FMO2: variants seen among roughly 807,000 people sequenced by gnomAD.
The protein encoded by FMO2 is flavin-containing monooxygenase 2.
Under a neutral mutation model 41.6 loss-of-function variants are expected in FMO2, and 33 were observed. That is an observed-to-expected ratio of 0.79 (90% confidence interval 0.60 to 1.06). The LOEUF (loss-of-function observed/expected upper bound fraction) is 1.06, where lower values mean the gene tolerates loss of function less well. Ranked by LOEUF, FMO2 falls within the 50% of genes least tolerant of loss-of-function variation. The probability of loss-of-function intolerance (pLI) is 0.00; values close to 1 mark genes in which losing one functional copy is unlikely to be tolerated. For synonymous variants in FMO2, 214 were observed against 219.6 expected (o/e 0.97, Z 0.23); for missense variants, 619 against 632.9 (o/e 0.98, Z 0.23).
chr1:171,193,666 C>A (rs1658180393), intron 3 of FMO2, 143 bp downstream of exon 3: 2 of 608,734 alleles, frequency 3.3e-6, no homozygotes, highest in African/African-American at 1.9e-5. Flanking sequence ...TCATATAAAA[C>A]CCAAAAAGTA....
intron 2 of FMO2, among the ~76,000 whole-genome samples, chr1:171,188,229 G>A (rs1557973229): frequency 6.6e-6 from 1 of 151,992 alleles, no homozygotes; most frequent in Non-Finnish European, 1.5e-5. Flanking sequence ...TGAACAGTCT[G>A]CCAACAATAT....
rs772381520 is a variant in FMO2, at chr1:171,207,797, AT to A, written c.1256+15del. 2.0e-5 allele frequency: 30 copies of A among 1,535,880 alleles called. No individual in the cohort carries two copies. Among genetic ancestry groups the A allele is most frequent in the African/African-American group, 6.9e-5 (5 of 72,598 alleles). ...ATGAAAAAAGAATTGACCTGTAAGA[AT>A]TTTTTTTAATTCTTTACATGAAGCA... On this transcript the variant is annotated splice_region_variant and intron_variant, in intron 8 of 8. Transcript: ENST00000209929.
At chr1:171,186,293 T>A (rs1657846526) in intron 2 of FMO2, 1 of 153,812 alleles carries the variant, frequency 6.5e-6, no homozygotes, top group Non-Finnish European at 1.4e-5. Flanking sequence ...ATCAATGACA[T>A]TCTAGTATAA....
chr1:171,195,166 T>C (rs1658250840), intron 3 of FMO2, among the ~76,000 whole-genome samples: 1 of 152,188 alleles, frequency 6.6e-6, no homozygotes, highest in Non-Finnish European at 1.5e-5. Context: ...GAAGAGGGGT[T>C]GGGAAGAAAG....
intron 4 of FMO2, 40 bp from the exon 5 acceptor site, chr1:171,199,306 G>T: frequency 1.3e-6 from 2 of 1,513,148 alleles, no homozygotes; most frequent in East Asian, 2.4e-5. Context: ...TGACATAGTT[G>T]CTCTGGAGCT....
At position 171,196,769 on chromosome 1, in the gene FMO2, G is replaced by T; in HGVS notation, c.442G>T (p.Gly148Cys). 1.2e-6 allele frequency: 2 copies of T among 1,613,578 alleles called. No individual in the cohort carries two copies. The highest frequency in any genetic ancestry group is 2.7e-5 in the African/African-American group (2 of 75,012). The change falls in exon 4 of 9, where the codon GGC becomes TGC. Residue 148 changes from glycine to cysteine, a missense_variant. Coordinates refer to ENST00000209929, the MANE Select transcript of FMO2 (RefSeq NM_001460.5). Reference protein sequence around the residue: ...AVFDAVMVCSGHHILPHIPLK... With the variant: ...AVFDAVMVCSCHHILPHIPLK... ...CTTTGACGCAGTTATGGTTTGCAGT[G>T]GCCACCACATTCTACCTCATATCCC...
intron 3 of FMO2, among the ~76,000 whole-genome samples, chr1:171,196,242 A>G (rs1352948057): frequency 2.0e-5 from 3 of 152,248 alleles, no homozygotes; most frequent in African/African-American, 7.2e-5. Context: ...AAATAATTAT[A>G]TAAAGAGCAA....
intron 2 of FMO2, chr1:171,189,088 G>C (rs10798253): frequency 0.52 from 79,086 of 151,906 alleles, 21,915 homozygotes; most frequent in African/African-American, 0.7. Context: ...TTTCGGAGCT[G>C]TCACACTTAA....
At chr1:171,202,165 T>G (rs1571287105) in intron 5 of FMO2, among the ~76,000 whole-genome samples, 1 of 151,722 alleles carries the variant, frequency 6.6e-6, no homozygotes. Context: ...GTAGGGAGGG[T>G]CACAACAGAA....
At chr1:171,186,579 GCACT>G (rs1224778531) in intron 2 of FMO2, among the ~76,000 whole-genome samples, 1 of 152,058 alleles carries the variant, frequency 6.6e-6, no homozygotes, top group African/African-American at 2.4e-5. Flanking sequence ...TCATTAGAAC[GCACT>G]CACTATCATG....
intron 2 of FMO2, among the ~76,000 whole-genome samples, chr1:171,190,026 A>G (rs375478053): frequency 2.2e-4 from 34 of 152,358 alleles, no homozygotes; most frequent in African/African-American, 8.2e-4. Flanking sequence ...ACTACCCATG[A>G]AAGCAAAAAT....
rs1454238366 is a variant in FMO2, at chr1:171,208,828, A to T, written c.1291A>T (p.Asn431Tyr). The T allele has an allele frequency of 6.2e-7, 1 of 1,613,884 alleles. No homozygotes were observed. The highest frequency in any genetic ancestry group is 1.3e-5 in the African/African-American group (1 of 74,928). ...GESQSQTLQT[N>Y]YVDYLDELAL... ...AAGCCAGAGCCAGACGTTGCAGACC[A>T]ATTATGTTGACTACTTGGACGAGCT... Residue 431 changes from asparagine (N) to tyrosine (Y), a missense_variant, in exon 9 of 9, where the codon AAT becomes TAT. By Grantham distance (143) the Asn-to-Tyr change is moderately radical. Transcript: ENST00000209929.
At position 171,209,059 on chromosome 1, in the gene FMO2, T is replaced by C; in HGVS notation, c.1522T>C (p.Ser508Pro). The C allele has an allele frequency of 8.8e-7, 1 of 1,141,238 alleles. No homozygotes were observed. Among genetic ancestry groups the C allele is most frequent in the Admixed American group, 2.4e-5 (1 of 42,504 alleles). 70.7% of individuals were successfully genotyped at this position (1,141,238 alleles called of 1,614,324 possible). Residue 508 changes from serine (S) to proline (P), a missense_variant, in exon 9 of 9, where the codon TCT becomes CCT. Transcript: ENST00000209929. ...CAAGACTCGGGCCCTGAAGGATTCATCTAATTTCTCAGTTTCTTTTCTGTT... is the reference window on the plus strand; with the variant it reads ...CAAGACTCGGGCCCTGAAGGATTCACCTAATTTCTCAGTTTCTTTTCTGTT... ...PLKTRALKDS[S>P]NFSVSFLLKI...
chr1:171,192,693 G>A (rs1344712487), intron 2 of FMO2, among the ~76,000 whole-genome samples: 8 of 151,180 alleles, frequency 5.3e-5, no homozygotes, highest in African/African-American at 1.7e-4. Flanking sequence ...GTGGACCTGG[G>A]AGGCGGAGCT....
In FMO2 at chr1:171,209,870, T is replaced by C. The variant is rs1193635956; in HGVS notation, c.*725T>C. 1 of 152,208 alleles carries C rather than the reference T, an allele frequency of 6.6e-6. No individual in the cohort carries two copies. The allele number at this position is 152,208 out of a possible 1,614,324, so 9.4% of individuals were successfully genotyped here. ...GTGCATATCATATGTATTATTTCAT[T>C]TAATTCTCACAACAATTCTGTGAAA... On this transcript the variant is annotated 3_prime_UTR_variant, in exon 9 of 9. Transcript: ENST00000209929.
At position 171,205,270 on chromosome 1, in the gene FMO2, A is replaced by G. The variant is rs1356134400; in HGVS notation, c.828-9A>G. On this transcript the variant is annotated splice_polypyrimidine_tract_variant and intron_variant, in intron 6 of 8. Coordinates refer to ENST00000209929, the MANE Select transcript of FMO2 (RefSeq NM_001460.5). ...ATCCTTCAGAATGTTTTTCTTCTGT[A>G]TGTCTCAGATACATTATGAAGGAAC... is the stretch of plus-strand genomic sequence containing the variant. 1 of 1,525,438 alleles carries G rather than the reference A, an allele frequency of 6.6e-7. No individual in the cohort carries two copies. Among genetic ancestry groups the G allele is most frequent in the Admixed American group, 1.8e-5 (1 of 56,166 alleles). 94.5% of individuals were successfully genotyped at this position (1,525,438 alleles called of 1,614,324 possible).
intron 2 of FMO2, among the ~76,000 whole-genome samples, chr1:171,188,560 C>T (rs1158827039): frequency 6.6e-6 from 1 of 152,158 alleles, no homozygotes; most frequent in East Asian, 1.9e-4. Context: ...TCATAGGCTG[C>T]CTGCACTACG....
intron 8 of FMO2, among the ~76,000 whole-genome samples, 197 bp from the exon 9 acceptor site, chr1:171,208,597 T>C (rs1658856768): frequency 6.6e-6 from 1 of 152,172 alleles, no homozygotes; most frequent in Non-Finnish European, 1.5e-5. Context: ...AATTCATGGC[T>C]CTTTATTTGA....
chr1:171,207,550 G>A (rs770121829), intron 7 of FMO2, 168 bp from the exon 8 acceptor site: 1 of 599,712 alleles, frequency 1.7e-6, no homozygotes, highest in Non-Finnish European at 3.0e-6. Context: ...CCTGGACAGT[G>A]TCACATAGAG....
Sources: gnomAD v4.1 joint callset for allele counts (sites outside exome capture counted in the v4.1 genomes callset) on GRCh38, gnomAD v4.1.1 for gene constraint, MANE v1.5 for transcripts, NCBI Gene and HGNC (gene_info 2026-07-23, HGNC 2026-07-21) for gene names.